The following TMEM51 variants were observed in gnomAD, a reference collection of about 807,000 sequenced individuals.
TMEM51 encodes chromosome 1 open reading frame 72.
TMEM51 carries 8 observed loss-of-function variants against 13.6 expected under a neutral mutation model. That is an observed-to-expected ratio of 0.59 (90% CI 0.35 to 1.07). TMEM51 has a LOEUF of 1.07. Ranked by LOEUF, TMEM51 falls within the 50% of genes least tolerant of loss-of-function variation. TMEM51 has a pLI of 0.02. For missense variants in TMEM51, 279 were observed against 330.7 expected, an observed-to-expected ratio of 0.84 and a Z score of 1.21; for synonymous variants, 147 against 144.4, an observed-to-expected ratio of 1.02 and a Z score of -0.13.
chr1:15,205,532 C>T (rs955305918), intron 1 of TMEM51, among the ~76,000 whole-genome samples: 5 of 152,176 alleles, frequency 3.3e-5, no homozygotes, highest in East Asian at 3.8e-4. Context: ...AAATTGAATC[C>T]GTCATTCTTT....
chr1:15,168,830 TCC>T lies in TMEM51; in HGVS notation c.-267+14877_-267+14878del. The T allele has an allele frequency of 3.2e-6, 4 of 1,252,444 alleles. No individual in the cohort carries two copies. The East Asian group carries it at 1.7e-4, about 53-fold the overall frequency. The allele number at this position is 1,252,444 out of a possible 1,614,324, so 77.6% of individuals were successfully genotyped here. On this transcript the variant is annotated intron_variant, in intron 1 of 3. Coordinates refer to ENST00000376008, the MANE Select transcript of TMEM51 (RefSeq NM_001136218.2). ...GGAATTCCTGGGAGTCAGAGCCATA[TCC>T]GGCTCATGATAAAAGTTACAGATAT...
chr1:15,196,322 G>A (rs1199092107), intron 1 of TMEM51, among the ~76,000 whole-genome samples: 6 of 152,290 alleles, frequency 3.9e-5, no homozygotes, highest in East Asian at 3.9e-4. Flanking sequence ...CGATAGTGCT[G>A]TGATGGGAAT....
intron 1 of TMEM51, among the ~76,000 whole-genome samples, chr1:15,198,653 AG>A (rs1485523679): frequency 9.2e-5 from 14 of 152,048 alleles, no homozygotes; most frequent in African/African-American, 3.4e-4. Flanking sequence ...CCTGACCTCA[AG>A]TGATCTGCCT....
intron 1 of TMEM51, among the ~76,000 whole-genome samples, chr1:15,195,163 G>A (rs1249916992): frequency 4.6e-5 from 7 of 151,818 alleles, no homozygotes; most frequent in Non-Finnish European, 7.4e-5. Flanking sequence ...GATTTCCTGA[G>A]CTCAAGCAAT....
chr1:15,175,227 C>A (rs1412158685), intron 1 of TMEM51, among the ~76,000 whole-genome samples: 2 of 152,046 alleles, frequency 1.3e-5, no homozygotes, highest in Non-Finnish European at 2.9e-5. Context: ...TGGCAAAACC[C>A]CATCTCTACT....
intron 1 of TMEM51, among the ~76,000 whole-genome samples, chr1:15,188,773 C>T (rs929338680): frequency 1.3e-5 from 2 of 152,212 alleles, no homozygotes; most frequent in Admixed American, 6.5e-5. Flanking sequence ...GCCGTGTCCC[C>T]CAGCACCTGG....
chr1:15,178,306 C>T (rs1047609377), intron 1 of TMEM51, among the ~76,000 whole-genome samples: 1 of 152,160 alleles, frequency 6.6e-6, no homozygotes, highest in Admixed American at 6.5e-5. Flanking sequence ...TCCTGGTCCT[C>T]CCACCCCACC....
At chr1:15,213,516 G>A (rs1644374290) in intron 2 of TMEM51, among the ~76,000 whole-genome samples, 1 of 152,152 alleles carries the variant, frequency 6.6e-6, no homozygotes, top group Admixed American at 6.5e-5. Flanking sequence ...TGGGGGAGAG[G>A]TTTAGCAAGG....
intron 1 of TMEM51, among the ~76,000 whole-genome samples, chr1:15,201,835 C>T (rs147529846): frequency 7.9e-5 from 12 of 152,252 alleles, no homozygotes; most frequent in Admixed American, 2.6e-4. Context: ...CTTTCTCAAA[C>T]GGCGTCCTAA....
At chr1:15,184,097 T>C (rs1643698096) in intron 1 of TMEM51, among the ~76,000 whole-genome samples, 1 of 140,296 alleles carries the variant, frequency 7.1e-6, no homozygotes, top group Non-Finnish European at 1.6e-5. Flanking sequence ...TGGAGTGCAG[T>C]GGCACGATCT....
chr1:15,190,728 A>G (rs1643905309), intron 1 of TMEM51, among the ~76,000 whole-genome samples: 1 of 152,112 alleles, frequency 6.6e-6, no homozygotes, highest in African/African-American at 2.4e-5. Flanking sequence ...TATCCAAGTG[A>G]GCATGATGTA....
At chr1:15,177,640 A>G (rs998416496) in intron 1 of TMEM51, among the ~76,000 whole-genome samples, 2 of 152,160 alleles carry the variant, frequency 1.3e-5, no homozygotes, top group African/African-American at 2.4e-5. Flanking sequence ...GACCTTGTCT[A>G]TGCTTCTCTT....
intron 1 of TMEM51, among the ~76,000 whole-genome samples, chr1:15,204,256 C>T (rs1644209683): frequency 1.3e-5 from 2 of 152,172 alleles, no homozygotes; most frequent in Admixed American, 1.3e-4. Flanking sequence ...GCTGAGCCTC[C>T]AAAGTTGTCC....
chr1:15,211,196 G>A (rs574005640), intron 2 of TMEM51, among the ~76,000 whole-genome samples: 1 of 152,268 alleles, frequency 6.6e-6, no homozygotes, highest in Non-Finnish European at 1.5e-5. Flanking sequence ...ATTCAACAGT[G>A]TTTCTCAACC....
intron 1 of TMEM51, among the ~76,000 whole-genome samples, chr1:15,167,915 C>A (rs1643084130): frequency 6.6e-6 from 1 of 152,164 alleles, no homozygotes; most frequent in South Asian, 2.1e-4. Flanking sequence ...AACTCTTTTT[C>A]TTTAATTAGG....
intron 1 of TMEM51, among the ~76,000 whole-genome samples, chr1:15,208,243 G>A (rs574400448): frequency 3.9e-4 from 59 of 152,314 alleles, no homozygotes; most frequent in African/African-American, 1.4e-3. Flanking sequence ...AGCTGTGTGA[G>A]AGAGGAGGCA....
intron 1 of TMEM51, among the ~76,000 whole-genome samples, chr1:15,186,079 C>G (rs1209555131): frequency 6.6e-6 from 1 of 152,222 alleles, no homozygotes; most frequent in East Asian, 1.9e-4. Flanking sequence ...ACCCTGCCCC[C>G]TCCTCCCACT....
intron 1 of TMEM51, among the ~76,000 whole-genome samples, chr1:15,193,116 G>T (rs113243751): frequency 6.6e-6 from 1 of 152,200 alleles, no homozygotes; most frequent in Non-Finnish European, 1.5e-5. Context: ...GTAGCAGCCC[G>T]CAGAGGGCCC....
At position 15,161,907 on chromosome 1, in the gene TMEM51, G is replaced by A. The variant is rs1224473407; in HGVS notation, c.-267+7953G>A. ...TGGAGCCACTGCACTCCAGCCTAGCGACAGAGCAAGACTCCATCTCAAAAA... is the reference window on the plus strand; with the variant it reads ...TGGAGCCACTGCACTCCAGCCTAGCAACAGAGCAAGACTCCATCTCAAAAA... On this transcript the variant is annotated intron_variant, in intron 1 of 3. Coordinates refer to ENST00000376008, the MANE Select transcript of TMEM51 (RefSeq NM_001136218.2). The surrounding 1 kb of genome is among the most constrained non-coding windows in gnomAD (Gnocchi z 4.0). Among the ~76,000 whole-genome samples the A allele has an allele frequency of 2.0e-5, 3 of 151,990 alleles. No homozygotes were observed. Among genetic ancestry groups the A allele is most frequent in the South Asian group, 2.1e-4 (1 of 4,818 alleles).
Sources: gnomAD v4.1 joint callset for allele counts (sites outside exome capture counted in the v4.1 genomes callset) on GRCh38, gnomAD v4.1.1 for gene constraint, Gnocchi (gnomAD v3.1) non-coding constraint, MANE v1.5 for transcripts, NCBI Gene and HGNC (gene_info 2026-07-23, HGNC 2026-07-21) for gene names.